Variants in B3GALT1 observed in about 807,000 individuals in gnomAD.
B3GALT1 encodes the protein beta-1,3-galactosyltransferase 1.
B3GALT1 carries 10 observed loss-of-function variants against 23.2 expected under a neutral mutation model. That is an observed-to-expected ratio of 0.43 (90% CI 0.27 to 0.73). The LOEUF is 0.73. Among genes scored for constraint, B3GALT1 ranks in the 30% least tolerant of loss-of-function variants. The probability of loss-of-function intolerance (pLI) is 0.21; values close to 1 mark genes in which losing one functional copy is unlikely to be tolerated. For synonymous variants in B3GALT1, 156 were observed against 141.5 expected (o/e 1.10, Z -0.73); for missense variants, 299 against 405.4 (o/e 0.74, Z 2.25).
chr2:167,807,901 G>T (rs1195022602), intron 3 of B3GALT1, among the ~76,000 whole-genome samples: 2 of 151,782 alleles, frequency 1.3e-5, no homozygotes, highest in Non-Finnish European at 2.9e-5. Context: ...TGACAGTGGG[G>T]TGTTAAAGTC....
chr2:167,597,111 G>GTTTT (rs1354123455), intron 2 of B3GALT1, among the ~76,000 whole-genome samples: 1 of 135,576 alleles, frequency 7.4e-6, no homozygotes, highest in African/African-American at 2.9e-5. Context: ...TTTGTTTTTT[G>GTTTT]TTTTTGTTTT....
intron 3 of B3GALT1, among the ~76,000 whole-genome samples, chr2:167,772,423 G>C (rs947823740): frequency 3.3e-5 from 5 of 152,122 alleles, no homozygotes; most frequent in South Asian, 2.1e-4. Flanking sequence ...GAGACTGCAG[G>C]CTTAGGTAAA....
chr2:167,672,128 T>A (rs1165089113), intron 3 of B3GALT1, among the ~76,000 whole-genome samples: 1 of 152,272 alleles, frequency 6.6e-6, no homozygotes, highest in East Asian at 1.9e-4. Context: ...ATAATGTATT[T>A]GAAAAATTTT....
chr2:167,723,359 C>T (rs1036522491), intron 3 of B3GALT1, among the ~76,000 whole-genome samples: 5 of 152,060 alleles, frequency 3.3e-5, no homozygotes, highest in African/African-American at 7.2e-5. Flanking sequence ...ATGAAAATTT[C>T]AAAGCAGAAG....
At chr2:167,390,933 GAT>G (rs2105282565) in intron 1 of B3GALT1, among the ~76,000 whole-genome samples, 1 of 152,278 alleles carries the variant, frequency 6.6e-6, no homozygotes, top group South Asian at 2.1e-4. Flanking sequence ...TAAATTACAT[GAT>G]ATCTTGACCA....
chr2:167,588,075 G>A (rs1490298897), intron 2 of B3GALT1, among the ~76,000 whole-genome samples: 1 of 152,084 alleles, frequency 6.6e-6, no homozygotes, highest in Admixed American at 6.5e-5. Flanking sequence ...TGAAATCATT[G>A]CACCTCTTTA....
intron 3 of B3GALT1, among the ~76,000 whole-genome samples, chr2:167,805,802 G>A (rs1688739930): frequency 6.6e-6 from 1 of 152,170 alleles, no homozygotes; most frequent in South Asian, 2.1e-4. Context: ...GATTCACTTG[G>A]CAATGCAGGC....
Position 167,816,443 on chromosome 2 carries a change from C to CT in B3GALT1, c.-351-2218dup, listed in dbSNP as rs879493755. Among the ~76,000 whole-genome samples, 425 of 144,872 alleles carry CT rather than the reference C, an allele frequency of 2.9e-3. 1 individual carries two copies. The highest frequency in any genetic ancestry group is 8.4e-3 in the African/African-American group (334 of 39,792). On this transcript the variant is annotated intron_variant, in intron 3 of 4. Coordinates refer to ENST00000392690, the MANE Select transcript of B3GALT1 (RefSeq NM_020981.4). ...TTAGCTATTTACACATTTTCCACAC[C>CT]TTTTTTTTTTTGGCCCTGGTTTGGT... is the stretch of plus-strand genomic sequence containing the variant.
At chr2:167,612,445 G>T (rs1390116787) in intron 2 of B3GALT1, among the ~76,000 whole-genome samples, 8 of 150,996 alleles carry the variant, frequency 5.3e-5, no homozygotes, top group Non-Finnish European at 1.0e-4. Flanking sequence ...TTTACATTGT[G>T]TATCAGCATA....
chr2:167,508,258 ATTTTT>A (rs71031292), intron 2 of B3GALT1, among the ~76,000 whole-genome samples: 1 of 135,166 alleles, frequency 7.4e-6, no homozygotes, highest in African/African-American at 2.8e-5. Context: ...ATTTTTATTA[ATTTTT>A]TTTTTTTTTT....
chr2:167,457,971 A>G (rs879883574), intron 1 of B3GALT1, among the ~76,000 whole-genome samples: 6 of 152,232 alleles, frequency 3.9e-5, no homozygotes, highest in Non-Finnish European at 5.9e-5. Flanking sequence ...TACATATAAC[A>G]TAAAATTTGC....
intron 2 of B3GALT1, among the ~76,000 whole-genome samples, chr2:167,524,116 AC>A (rs1683182325): frequency 6.6e-6 from 1 of 152,190 alleles, no homozygotes; most frequent in Non-Finnish European, 1.5e-5. Flanking sequence ...CTTTATCCTT[AC>A]CAGCATACCA....
intron 3 of B3GALT1, among the ~76,000 whole-genome samples, chr2:167,679,440 G>A (rs1686490290): frequency 6.6e-6 from 1 of 151,982 alleles, no homozygotes; most frequent in African/African-American, 2.4e-5. Context: ...TATTAGTAGA[G>A]ACAGGGTTTC....
chr2:167,715,814 C>T, intron 3 of B3GALT1: 6 of 1,613,762 alleles, frequency 3.7e-6, no homozygotes, highest in Non-Finnish European at 5.1e-6. Flanking sequence ...TTCAATTAGT[C>T]CAGAAAGCAT....
intron 3 of B3GALT1, among the ~76,000 whole-genome samples, chr2:167,763,354 A>T (rs1687924438): frequency 1.3e-5 from 2 of 152,226 alleles, no homozygotes; most frequent in Admixed American, 6.5e-5. Context: ...TAAAGGGACA[A>T]CTTTGTTTAA....
At chr2:167,587,292 A>G (rs1222256442) in intron 2 of B3GALT1, among the ~76,000 whole-genome samples, 1 of 152,208 alleles carries the variant, frequency 6.6e-6, no homozygotes, top group African/African-American at 2.4e-5. Flanking sequence ...TATCAAACCC[A>G]TATTATCATT....
chr2:167,672,379 A>G (rs1350995270), intron 3 of B3GALT1, among the ~76,000 whole-genome samples: 1 of 152,206 alleles, frequency 6.6e-6, no homozygotes, highest in Non-Finnish European at 1.5e-5. Context: ...AAATAGGAAT[A>G]AGAAAAAGCT....
At chr2:167,525,285 T>C (rs1031113944) in intron 2 of B3GALT1, among the ~76,000 whole-genome samples, 15 of 152,178 alleles carry the variant, frequency 9.9e-5, no homozygotes, top group African/African-American at 3.1e-4. Context: ...TTTTGTTTGG[T>C]ACGTTTTCCT....
intron 2 of B3GALT1, among the ~76,000 whole-genome samples, chr2:167,590,118 G>A (rs942157579): frequency 1.4e-4 from 21 of 151,984 alleles, no homozygotes; most frequent in African/African-American, 4.1e-4. Flanking sequence ...AGGCCGAGGC[G>A]GGCGGATCAC....
Sources: allele counts gnomAD v4.1 joint callset (sites outside exome capture counted in the v4.1 genomes callset), GRCh38; gene constraint gnomAD v4.1.1; transcripts MANE v1.5; gene names NCBI Gene and HGNC (gene_info 2026-07-23, HGNC 2026-07-21).